Variants in C5 observed in about 807,000 individuals in gnomAD.
C5 encodes complement C5.
Under a neutral mutation model 218.8 loss-of-function variants are expected in C5, and 140 were observed. The ratio of observed to expected loss-of-function variants is 0.64; its 90% CI spans 0.56 to 0.74. The LOEUF is 0.74. Among genes scored for constraint, C5 ranks in the 30% least tolerant of loss-of-function variants. The pLI is 0.00. For missense variants in C5, 1,700 were observed against 1,969.6 expected (o/e 0.86, Z 2.59); for synonymous variants, 614 against 682.3 (o/e 0.90, Z 1.56).
At chr9:120,973,950 G>A (rs2046933206) in intron 30 of C5, among the ~76,000 whole-genome samples, 1 of 151,276 alleles carries the variant, frequency 6.6e-6, no homozygotes, top group Non-Finnish European at 1.5e-5. Flanking sequence ...TCCAGCCTGG[G>A]CAACAAGAGC....
intron 2 of C5, among the ~76,000 whole-genome samples, chr9:121,043,528 C>T (rs1048059192): frequency 1.3e-4 from 19 of 151,924 alleles, no homozygotes; most frequent in Middle Eastern, 3.4e-3. Context: ...ATTCTCTGGA[C>T]CCTTAGCTTT....
rs1357288440 is a variant in C5 at position 121,013,865 on chromosome 9, A to C, written c.2257+8T>G. The stretch of plus-strand genomic sequence containing the variant: ...GAGCAGAATTCTGATAGAAAATGTC[A>C]TACTTACGTAGCCTTCCCAATTGCA... On this transcript the variant is annotated splice_region_variant and intron_variant, in intron 17 of 40. Transcript: ENST00000223642. The C allele has an allele frequency of 6.2e-7, 1 of 1,612,296 alleles. No homozygotes were observed. Among genetic ancestry groups the C allele is most frequent in the African/African-American group, 1.3e-5 (1 of 74,888 alleles).
At chr9:121,000,627 C>T (rs911997640) in intron 20 of C5, among the ~76,000 whole-genome samples, 1 of 152,124 alleles carries the variant, frequency 6.6e-6, no homozygotes, top group Non-Finnish European at 1.5e-5. Flanking sequence ...AATCTAAATG[C>T]TCACAAAAAA....
intron 39 of C5, among the ~76,000 whole-genome samples, chr9:120,956,129 C>T (rs770774808): frequency 3.3e-5 from 5 of 152,000 alleles, no homozygotes; most frequent in African/African-American, 4.8e-5. Flanking sequence ...ACCCCATCTC[C>T]GCTAAGATAC....
intron 21 of C5, 37 bp downstream of exon 21, chr9:120,997,510 A>G: frequency 6.9e-7 from 1 of 1,446,082 alleles, no homozygotes; most frequent in Non-Finnish European, 9.7e-7. Context: ...CTTTTGCAAT[A>G]ATTTAAGCAT....
intron 33 of C5, 91 bp downstream of exon 33, chr9:120,968,970 C>T (rs2046889513): frequency 9.7e-7 from 1 of 1,030,082 alleles, no homozygotes; most frequent in African/African-American, 1.6e-5. Context: ...ATCTTCTGGA[C>T]ATACCAAAAT....
At chr9:121,034,186 T>C (rs893525777) in intron 5 of C5, among the ~76,000 whole-genome samples, 27 of 152,138 alleles carry the variant, frequency 1.8e-4, no homozygotes, top group Admixed American at 6.5e-5. Flanking sequence ...TCCCAAAGCG[T>C]TGGGATTACA....
Position 121,005,930 on chromosome 9 carries a change from A to T in C5, c.2551T>A (p.Ser851Thr), listed in dbSNP as rs149787751. 1.9e-6 allele frequency: 3 copies of T among 1,613,604 alleles called. No individual in the cohort carries two copies. Among genetic ancestry groups the T allele is most frequent in the Admixed American group, 1.7e-5 (1 of 60,028 alleles). ...LKGTVYNYRT[S>T]GMQFCVKMSA... The stretch of plus-strand genomic sequence containing the variant: ...TAACACCTACTTACCTGCATCCCAG[A>T]AGTCCTATAGTTGTAAACAGTTCCT... The change falls in exon 20 of 41, where the codon TCT (serine) becomes ACT (threonine). Residue 851 changes from serine (S) to threonine (T), a missense_variant. Ser to Thr is a moderately conservative substitution (Grantham distance 58). Transcript: ENST00000223642.
upstream of C5, among the ~76,000 whole-genome samples, chr9:121,051,123 CT>C (rs5900469): frequency 0.17 from 24,490 of 140,660 alleles, 1,814 homozygotes; most frequent in Admixed American, 0.22. Flanking sequence ...TATCTTTATA[CT>C]TTTTTTTTTT....
At chr9:120,968,034 T>G (rs2046882448) in intron 33 of C5, among the ~76,000 whole-genome samples, 1 of 152,156 alleles carries the variant, frequency 6.6e-6, no homozygotes, top group African/African-American at 2.4e-5. Flanking sequence ...AAACCTACAC[T>G]TTCATAAATG....
chr9:121,061,790 T>TGGAATACATA, the C5 span, among the ~76,000 whole-genome samples: 1 of 152,234 alleles, frequency 6.6e-6, no homozygotes, highest in Non-Finnish European at 1.5e-5. Context: ...TGTATATATA[T>TGGAATACATA]TCCATTCTTC....
rs202047084 is a variant in C5, at chr9:120,982,639, C to T, written c.3390+16G>A. ...TAAATAAAACTATTGCTAATTTGTGCATTTGGTTTCCTTACCTGTAATTTT... is the reference window on the plus strand; with the variant it reads ...TAAATAAAACTATTGCTAATTTGTGTATTTGGTTTCCTTACCTGTAATTTT... On this transcript the variant is annotated intron_variant, in intron 26 of 40. Transcript: ENST00000223642. 6.4e-6 allele frequency: 10 copies of T among 1,574,006 alleles called. No homozygotes were observed. The Admixed American group carries it at 1.7e-4, about 26-fold the overall frequency.
intron 10 of C5, among the ~76,000 whole-genome samples, chr9:121,022,483 G>T (rs907852458): frequency 6.8e-6 from 1 of 147,924 alleles, no homozygotes; most frequent in African/African-American, 2.5e-5. Flanking sequence ...TCTATATATA[G>T]TATATATATG....
At chr9:121,016,442 T>C (rs1196969464) in intron 14 of C5, 59 bp from the exon 15 acceptor site, 4 of 1,600,256 alleles carry the variant, frequency 2.5e-6, no homozygotes, top group Non-Finnish European at 3.4e-6. Context: ...CCTCTAAAGA[T>C]CTAAAAGGTA....
chr9:121,073,015 A>G, the C5 span, among the ~76,000 whole-genome samples: 106 of 152,172 alleles, frequency 7.0e-4, no homozygotes, highest in African/African-American at 2.5e-3. Flanking sequence ...AATCAAAGTA[A>G]ATCAAAGACA....
intron 38 of C5, among the ~76,000 whole-genome samples, chr9:120,958,906 T>C (rs7044680): frequency 0.2 from 30,218 of 151,990 alleles, 5,286 homozygotes; most frequent in African/African-American, 0.47. Flanking sequence ...CTACCTCAGC[T>C]TCCCAAGTAG....
chr9:120,994,603 T>A (rs2900181), intron 22 of C5, among the ~76,000 whole-genome samples: 14,941 of 147,200 alleles, frequency 0.1, 828 homozygotes, highest in African/African-American at 0.15. Flanking sequence ...AAAAAAAAAA[T>A]AATAAATATT....
intron 22 of C5, among the ~76,000 whole-genome samples, chr9:120,994,499 C>T (rs564468611): frequency 6.6e-6 from 1 of 152,088 alleles, no homozygotes; most frequent in South Asian, 2.1e-4. Context: ...AGGAGAATCG[C>T]TTGAAATCAG....
At chr9:121,034,244 G>T (rs1200589130) in intron 5 of C5, among the ~76,000 whole-genome samples, 1 of 152,108 alleles carries the variant, frequency 6.6e-6, no homozygotes, top group African/African-American at 2.4e-5. Context: ...TGAAAGCAGG[G>T]ACTGTGGATT....
Sources: gnomAD v4.1 joint callset for allele counts (sites outside exome capture counted in the v4.1 genomes callset) on GRCh38, gnomAD v4.1.1 for gene constraint, MANE v1.5 for transcripts, NCBI Gene and HGNC (gene_info 2026-07-23, HGNC 2026-07-21) for gene names.